DPP8: variants seen among roughly 807,000 people sequenced by gnomAD.
DPP8 encodes the protein DPP VIII.
In DPP8, 31 loss-of-function variants were observed where a neutral mutation model predicts 107.5. The observed-to-expected ratio is 0.29, with a 90% CI of 0.22 to 0.39. The LOEUF (loss-of-function observed/expected upper bound fraction) is 0.39, where lower values mean the gene tolerates loss of function less well. DPP8 is among the 10% of genes least tolerant of loss of function. The pLI, the probability that DPP8 is intolerant of heterozygous loss-of-function variation, is 1.00. For synonymous variants in DPP8, 381 were observed against 356.6 expected (o/e 1.07, Z -0.77); for missense variants, 842 against 1,076.1 (o/e 0.78, Z 3.04).
chr15:65,459,056 G>C (rs564630359), intron 15 of DPP8: 5 of 132,016 alleles, frequency 3.8e-5, no homozygotes, highest in East Asian at 2.0e-4. Context: ...AAAAAAAGGC[G>C]GGGGGGGTCT....
chr15:65,500,500 T>C lies in DPP8; in HGVS notation c.546+106A>G, dbSNP rs185485846. 54 of 794,796 alleles carry C rather than the reference T, an allele frequency of 6.8e-5. No individual in the cohort carries two copies. The African/African-American group carries it at 8.3e-4, about 12-fold the overall frequency. 49.2% of individuals were successfully genotyped at this position (794,796 alleles called of 1,614,324 possible). A position where few individuals can be genotyped will look rare whatever the true frequency, so the allele number is the denominator to read the frequency against. On this transcript the variant is annotated intron_variant, in intron 4 of 19. Transcript: ENST00000300141. Reference sequence around the variant, plus strand: ...CATTGCTATTAAATTTCTTTGTTGGTGGGTAAACTGAAGTTGCTGGTTTGT... The same window carrying C: ...CATTGCTATTAAATTTCTTTGTTGGCGGGTAAACTGAAGTTGCTGGTTTGT...
chr15:65,467,364 C>A, intron 12 of DPP8, 141 bp from the exon 13 acceptor site: 1 of 761,028 alleles, frequency 1.3e-6, no homozygotes, highest in South Asian at 2.0e-5. Context: ...ATTAATAAAC[C>A]TGAGTTAATT....
chr15:65,459,704 C>T (rs2064748264), intron 15 of DPP8, among the ~76,000 whole-genome samples: 1 of 152,126 alleles, frequency 6.6e-6, no homozygotes, highest in East Asian at 1.9e-4. Flanking sequence ...CCTGTAATCC[C>T]AGCACTTTGG....
chr15:65,508,610 T>A (rs1274811804), intron 2 of DPP8, among the ~76,000 whole-genome samples: 1 of 152,134 alleles, frequency 6.6e-6, no homozygotes, highest in African/African-American at 2.4e-5. Flanking sequence ...CCCAGCACTT[T>A]GGGAGGCTGA....
chr15:65,500,630 T>C lies in DPP8; in HGVS notation c.522A>G (p.Lys174=), dbSNP rs1270502702. ...CCGTAAATCCTTGTGGCCCTCCATC[T>C]TTTACGTGATAAATTCCACTACCGG... The part of the protein sequence containing the change: ...FQAGSGIYHV[K]DGGPQGFTQQ... The change falls in exon 4 of 20, where the codon AAA becomes AAG. Residue 174 remains lysine, a synonymous_variant. Transcript: ENST00000300141. The C allele has an allele frequency of 6.2e-7, 1 of 1,614,064 alleles. No homozygotes were observed. The highest frequency in any genetic ancestry group is 1.1e-5 in the South Asian group (1 of 91,084).
Position 65,481,550 on chromosome 15 carries a change from A to G in DPP8, c.1083T>C (p.Tyr361=). Residue 361 remains tyrosine (Y), a synonymous_variant, in exon 9 of 20, where the codon TAT becomes TAC. Transcript: ENST00000300141. ...PFEILFEGVE[Y]IARAGWTPEG... ...CAGGAGTCCATCCAGCTCTGGCAATATATTCAACTCCTTCAAATAGAATCT... is the reference window on the plus strand; with the variant it reads ...CAGGAGTCCATCCAGCTCTGGCAATGTATTCAACTCCTTCAAATAGAATCT... The G allele has an allele frequency of 6.3e-7, 1 of 1,595,194 alleles. No individual in the cohort carries two copies. Among genetic ancestry groups the G allele is most frequent in the Non-Finnish European group, 8.5e-7 (1 of 1,172,384 alleles).
At chr15:65,496,059 C>A (rs552363980) in intron 5 of DPP8, among the ~76,000 whole-genome samples, 1 of 151,832 alleles carries the variant, frequency 6.6e-6, no homozygotes, top group East Asian at 1.9e-4. Flanking sequence ...TCTCAGCTCA[C>A]TGGAAGCTCC....
At chr15:65,468,574 C>T (rs1595915511) in intron 12 of DPP8, among the ~76,000 whole-genome samples, 1 of 152,028 alleles carries the variant, frequency 6.6e-6, no homozygotes, top group East Asian at 1.9e-4. Context: ...TTTTTAAATG[C>T]CTTTTTTCCC....
chr15:65,499,377 T>G (rs564190983), intron 4 of DPP8, among the ~76,000 whole-genome samples: 9 of 151,696 alleles, frequency 5.9e-5, no homozygotes, highest in African/African-American at 2.2e-4. Context: ...GGACTACAGG[T>G]GCGCCTGCCT....
intron 12 of DPP8, among the ~76,000 whole-genome samples, chr15:65,467,790 G>A (rs943133119): frequency 6.6e-6 from 1 of 152,120 alleles, no homozygotes; most frequent in South Asian, 2.1e-4. Context: ...TAAAATACAA[G>A]AATTATTTCC....
intron 8 of DPP8, among the ~76,000 whole-genome samples, chr15:65,482,922 C>T (rs1024767525): frequency 6.6e-6 from 1 of 151,462 alleles, no homozygotes; most frequent in African/African-American, 2.4e-5. Context: ...CGGTGAAACC[C>T]TGTCTCTACT....
In DPP8 at chr15:65,512,445, C is replaced by T; in HGVS notation, c.109G>A (p.Val37Ile). The T allele has an allele frequency of 6.2e-7, 1 of 1,614,150 alleles. No individual in the cohort carries two copies. Among genetic ancestry groups the T allele is most frequent in the Non-Finnish European group, 8.5e-7 (1 of 1,180,020 alleles). The change falls in exon 2 of 20, where the codon GTT becomes ATT. Residue 37 changes from valine (V) to isoleucine (I), a missense_variant. Physicochemically the swap from Val to Ile is conservative, Grantham distance 29 (BLOSUM62 3). Coordinates refer to ENST00000300141, the MANE Select transcript of DPP8 (RefSeq NM_130434.5). ...QDRPKLEPFY[V>I]ERYSWSQLKK... ...AGCTGACTCCAGGAATACCGCTCAACATAAAAAGGCTCCAATTTAGGCCGA... is the reference window on the plus strand; with the variant it reads ...AGCTGACTCCAGGAATACCGCTCAATATAAAAAGGCTCCAATTTAGGCCGA...
intron 1 of DPP8, among the ~76,000 whole-genome samples, chr15:65,513,502 G>C (rs1033711452): frequency 6.6e-6 from 1 of 152,182 alleles, no homozygotes. Context: ...ATGAGCCACC[G>C]CGCCCAGCGT....
rs566150712 is a variant in DPP8, at chr15:65,504,623, C to T, written c.372+2620G>A. On this transcript the variant is annotated intron_variant, in intron 3 of 19. Transcript: ENST00000300141. The stretch of plus-strand genomic sequence containing the variant: ...GGCGGAGGTTGCAGTGAGCTGAGAA[C>T]GCGCCACTGCACTCCAGCCTGGCGA... 9.9e-5 allele frequency among the ~76,000 whole-genome samples: 14 copies of T among 142,078 alleles called. No individual in the cohort carries two copies. The East Asian group carries it at 2.9e-3, about 29-fold the overall frequency. 93.2% of individuals were successfully genotyped at this position (142,078 alleles called of 152,430 possible). A position where few individuals can be genotyped will look rare whatever the true frequency, so the allele number is the denominator to read the frequency against.
Position 65,506,097 on chromosome 15 carries a change from C to T in DPP8, c.372+1146G>A, listed in dbSNP as rs184972336. Among the ~76,000 whole-genome samples the T allele has an allele frequency of 2.6e-3, 390 of 151,980 alleles. 1 individual carries two copies. Among genetic ancestry groups the T allele is most frequent in the African/African-American group, 9.0e-3 (375 of 41,440 alleles). ...CTGTAATCCCAGCACTTTGGGAGGC[C>T]GAGGCAGGCAGATCACGAGGTCAGG... On this transcript the variant is annotated intron_variant, in intron 3 of 19. Coordinates refer to ENST00000300141, the MANE Select transcript of DPP8 (RefSeq NM_130434.5).
At chr15:65,474,555 A>C (rs7166973) in intron 11 of DPP8, among the ~76,000 whole-genome samples, 7,349 of 152,200 alleles carry the variant, frequency 0.048, 598 homozygotes, top group African/African-American at 0.17. Context: ...ATCACAGCTC[A>C]CTGCAGCCTT....
chr15:65,513,514 G>A (rs1382750451), intron 1 of DPP8, among the ~76,000 whole-genome samples: 1 of 152,146 alleles, frequency 6.6e-6, no homozygotes, highest in African/African-American at 2.4e-5. Flanking sequence ...GCCCAGCGTG[G>A]TGACTCTGTA....
At chr15:65,450,921 AC>A in intron 19 of DPP8, 77 bp downstream of exon 19, 3 of 917,614 alleles carry the variant, frequency 3.3e-6, no homozygotes, top group Admixed American at 2.1e-5. Flanking sequence ...ATCTGGACTT[AC>A]CCCACAGCTA....
At chr15:65,478,796 G>T in intron 11 of DPP8, 84 bp downstream of exon 11, 1 of 920,438 alleles carries the variant, frequency 1.1e-6, no homozygotes, top group Non-Finnish European at 1.7e-6. Flanking sequence ...TGCTTATAAA[G>T]CATGCAAAAG....
Sources: gnomAD v4.1 joint callset for allele counts (sites outside exome capture counted in the v4.1 genomes callset) on GRCh38, gnomAD v4.1.1 for gene constraint, MANE v1.5 for transcripts, NCBI Gene and HGNC (gene_info 2026-07-23, HGNC 2026-07-21) for gene names.